The following KCNH8 variants were observed in gnomAD, a reference collection of about 807,000 sequenced individuals.
The protein encoded by KCNH8 is potassium voltage-gated channel subfamily H member 8, also known as voltage-gated delayed rectifier potassium channel KCNH8.
A neutral mutation model predicts 103.6 loss-of-function variants in KCNH8; 70 were observed. The observed-to-expected ratio is 0.68, with a 90% CI of 0.56 to 0.82. The LOEUF (loss-of-function observed/expected upper bound fraction) is 0.82, where lower values mean the gene tolerates loss of function less well. KCNH8 is among the 40% of genes least tolerant of loss of function. The pLI, the probability that KCNH8 is intolerant of heterozygous loss-of-function variation, is 0.00. For synonymous variants in KCNH8, 498 were observed against 489.4 expected, an observed-to-expected ratio of 1.02 and a Z score of -0.23; for missense variants, 1,217 against 1,329.9, an observed-to-expected ratio of 0.92 and a Z score of 1.32.
intron 2 of KCNH8, among the ~76,000 whole-genome samples, chr3:19,260,681 C>G (rs7622654): frequency 0.1 from 15,127 of 148,518 alleles, 2,499 homozygotes; most frequent in African/African-American, 0.34. Context: ...TAGTCTTCTT[C>G]TTGTTCATTA....
intron 5 of KCNH8, among the ~76,000 whole-genome samples, chr3:19,349,874 G>A (rs991789895): frequency 2.3e-4 from 35 of 152,042 alleles, no homozygotes; most frequent in South Asian, 2.1e-4. Context: ...GGTTCTCCCA[G>A]TAGGCAATAC....
chr3:19,441,377 C>A (rs2067281773), intron 8 of KCNH8, among the ~76,000 whole-genome samples: 1 of 152,164 alleles, frequency 6.6e-6, no homozygotes, highest in African/African-American at 2.4e-5. Context: ...CCAGGAAAAC[C>A]AGTTCTCTAT....
At chr3:19,187,596 G>T (rs1435003601) in intron 1 of KCNH8, among the ~76,000 whole-genome samples, 1 of 151,946 alleles carries the variant, frequency 6.6e-6, no homozygotes, top group African/African-American at 2.4e-5. Flanking sequence ...TTCACAATTG[G>T]TTTACCAAAC....
At chr3:19,421,686 A>C (rs2066953524) in intron 7 of KCNH8, among the ~76,000 whole-genome samples, 1 of 151,976 alleles carries the variant, frequency 6.6e-6, no homozygotes, top group Non-Finnish European at 1.5e-5. Flanking sequence ...TTGTCAATTT[A>C]AGTTTTAGTG....
chr3:19,466,778 C>T (rs975325081), intron 11 of KCNH8, among the ~76,000 whole-genome samples: 1 of 150,420 alleles, frequency 6.6e-6, no homozygotes, highest in African/African-American at 2.4e-5. Context: ...TCTCCTGCCT[C>T]AGCCTCCCGA....
At chr3:19,285,558 ATAGC>A (rs908073177) in intron 3 of KCNH8, among the ~76,000 whole-genome samples, 25 of 152,356 alleles carry the variant, frequency 1.6e-4, no homozygotes, top group African/African-American at 5.8e-4. Context: ...TTTTATAAAA[ATAGC>A]TAGCTCTTAT....
chr3:19,313,019 G>A (rs1377175549), intron 3 of KCNH8, among the ~76,000 whole-genome samples: 1 of 126,198 alleles, frequency 7.9e-6, no homozygotes, highest in African/African-American at 3.7e-5. Context: ...AACTGCTATT[G>A]GCTGCTTTGG....
chr3:19,265,361 A>C (rs1474059522), intron 2 of KCNH8, among the ~76,000 whole-genome samples: 1 of 152,120 alleles, frequency 6.6e-6, no homozygotes, highest in East Asian at 1.9e-4. Flanking sequence ...TCAAGACAGC[A>C]CCAGCAGAGC....
At chr3:19,425,142 C>A (rs555003981) in intron 7 of KCNH8, among the ~76,000 whole-genome samples, 1 of 152,092 alleles carries the variant, frequency 6.6e-6, no homozygotes, top group Non-Finnish European at 1.5e-5. Context: ...CATGACTTCC[C>A]GTTCTGTACC....
At chr3:19,268,579 C>G (rs940104389) in intron 2 of KCNH8, among the ~76,000 whole-genome samples, 2 of 152,084 alleles carry the variant, frequency 1.3e-5, no homozygotes, top group African/African-American at 4.8e-5. Context: ...GCAGGAAAGT[C>G]ACATGATGAA....
chr3:19,190,256 ACTTC>A (rs2063538693), intron 1 of KCNH8, among the ~76,000 whole-genome samples: 1 of 151,828 alleles, frequency 6.6e-6, no homozygotes, highest in African/African-American at 2.4e-5. Flanking sequence ...AATTTTATTC[ACTTC>A]CTTTTTATTG....
chr3:19,355,514 A>G (rs932353579), intron 5 of KCNH8, among the ~76,000 whole-genome samples: 1 of 152,152 alleles, frequency 6.6e-6, no homozygotes, highest in African/African-American at 2.4e-5. Flanking sequence ...CTGGATTAAG[A>G]AAATGTGGCA....
At chr3:19,491,951 G>C (rs547067270) in intron 11 of KCNH8, among the ~76,000 whole-genome samples, 2 of 152,114 alleles carry the variant, frequency 1.3e-5, no homozygotes, top group South Asian at 2.1e-4. Context: ...TCATATGTTT[G>C]TTGGCCACTT....
At chr3:19,287,985 C>A (rs1473045945) in intron 3 of KCNH8, among the ~76,000 whole-genome samples, 6 of 151,992 alleles carry the variant, frequency 3.9e-5, no homozygotes, top group Admixed American at 3.3e-4. Flanking sequence ...TCTTCTTTCT[C>A]CTTACCCAGG....
chr3:19,329,638 G>A (rs964809634), intron 3 of KCNH8, among the ~76,000 whole-genome samples: 5 of 152,040 alleles, frequency 3.3e-5, no homozygotes, highest in Non-Finnish European at 4.4e-5. Context: ...TTGCTATTCC[G>A]ATCTACAACT....
intron 5 of KCNH8, among the ~76,000 whole-genome samples, chr3:19,355,086 A>G (rs2065861737): frequency 6.6e-6 from 1 of 152,338 alleles, no homozygotes; most frequent in Non-Finnish European, 1.5e-5. Context: ...ATGAACAGAC[A>G]CTTCTCAAAA....
At chr3:19,458,050 C>T (rs1379631801) in intron 11 of KCNH8, among the ~76,000 whole-genome samples, 1 of 151,856 alleles carries the variant, frequency 6.6e-6, no homozygotes, top group African/African-American at 2.4e-5. Context: ...TCATTTATTG[C>T]TTAAGACAAA....
intron 5 of KCNH8, among the ~76,000 whole-genome samples, chr3:19,378,309 T>C (rs1268700107): frequency 6.6e-6 from 1 of 152,260 alleles, no homozygotes; most frequent in African/African-American, 2.4e-5. Flanking sequence ...GCTACAATCC[T>C]ATTGCTCTGG....
chr3:19,206,911 G>A (rs1041099902), intron 1 of KCNH8, among the ~76,000 whole-genome samples: 1 of 152,052 alleles, frequency 6.6e-6, no homozygotes, highest in African/African-American at 2.4e-5. Context: ...CGGAAGAAGA[G>A]AAAGAGCAAG....
Sources: allele counts gnomAD v4.1 joint callset (sites outside exome capture counted in the v4.1 genomes callset), GRCh38; gene constraint gnomAD v4.1.1; transcripts MANE v1.5; gene names NCBI Gene and HGNC (gene_info 2026-07-23, HGNC 2026-07-21).